COX7B2: variants seen among roughly 807,000 people sequenced by gnomAD.
The protein encoded by COX7B2 is cytochrome c oxidase subunit 7B2, also known as cytochrome c oxidase subunit 7B2, mitochondrial.
For synonymous variants in COX7B2, 37 were observed against 32.1 expected, an observed-to-expected ratio of 1.15 and a Z score of -0.51; for missense variants, 109 against 95.9, an observed-to-expected ratio of 1.14 and a Z score of -0.57.
intron 2 of COX7B2, among the ~76,000 whole-genome samples, chr4:46,797,059 A>T (rs1227896554): frequency 9.1e-6 from 1 of 109,900 alleles, no homozygotes; most frequent in Non-Finnish European, 1.8e-5. Flanking sequence ...AACCTGCACA[A>T]TGTGCACATG....
chr4:46,869,062 G>T (rs936983482), intron 1 of COX7B2, among the ~76,000 whole-genome samples: 1 of 152,018 alleles, frequency 6.6e-6, no homozygotes, highest in African/African-American at 2.4e-5. Flanking sequence ...TCCTGTGTTG[G>T]GTGCATACAT....
intron 1 of COX7B2, among the ~76,000 whole-genome samples, chr4:46,845,984 C>T (rs537702526): frequency 7.3e-4 from 111 of 151,996 alleles, no homozygotes; most frequent in African/African-American, 2.6e-3. Context: ...TAGACTTTAC[C>T]CCCATTAGGG....
At chr4:46,738,106 C>T (rs1199815880) in intron 2 of COX7B2, among the ~76,000 whole-genome samples, 2 of 152,098 alleles carry the variant, frequency 1.3e-5, no homozygotes, top group Non-Finnish European at 2.9e-5. Context: ...TAATCCAGTA[C>T]AAAAGGACCT....
intron 1 of COX7B2, among the ~76,000 whole-genome samples, chr4:46,882,341 A>G (rs1718801316): frequency 6.6e-6 from 1 of 152,154 alleles, no homozygotes; most frequent in Admixed American, 6.5e-5. Flanking sequence ...CAGGTCCTGA[A>G]TCTTTGTTAA....
At chr4:46,791,875 G>C (rs1224331390) in intron 2 of COX7B2, among the ~76,000 whole-genome samples, 1 of 148,272 alleles carries the variant, frequency 6.7e-6, no homozygotes, top group African/African-American at 2.6e-5. Context: ...GCTTACTGGT[G>C]TTCACCCAAG....
At chr4:46,908,905 G>A (rs1166748362) in intron 1 of COX7B2, among the ~76,000 whole-genome samples, 2 of 152,016 alleles carry the variant, frequency 1.3e-5, no homozygotes, top group South Asian at 2.1e-4. Flanking sequence ...TTAGCCAGGC[G>A]TGGTGGCGGG....
chr4:46,854,791 C>A (rs1364901373), intron 1 of COX7B2, among the ~76,000 whole-genome samples: 2 of 151,884 alleles, frequency 1.3e-5, no homozygotes, highest in African/African-American at 4.8e-5. Flanking sequence ...TATTATAAAA[C>A]CATTAAAAAG....
At chr4:46,874,521 T>C (rs1718199372) in intron 1 of COX7B2, among the ~76,000 whole-genome samples, 1 of 152,208 alleles carries the variant, frequency 6.6e-6, no homozygotes, top group South Asian at 2.1e-4. Context: ...TTTCTGTAAC[T>C]ACCAAAGAAC....
intron 1 of COX7B2, among the ~76,000 whole-genome samples, chr4:46,859,202 C>T (rs942736637): frequency 1.3e-5 from 2 of 152,130 alleles, no homozygotes; most frequent in Non-Finnish European, 2.9e-5. Context: ...GAAGTCATTT[C>T]CACCTTTCCA....
chr4:46,871,912 G>C (rs543750241), intron 1 of COX7B2, among the ~76,000 whole-genome samples: 3 of 152,258 alleles, frequency 2.0e-5, no homozygotes, highest in South Asian at 4.1e-4. Flanking sequence ...AAGCAGTATG[G>C]TGATTCCTCA....
At chr4:46,790,702 G>A (rs996089119) in intron 2 of COX7B2, among the ~76,000 whole-genome samples, 6 of 152,076 alleles carry the variant, frequency 3.9e-5, no homozygotes, top group Admixed American at 2.0e-4. Context: ...CGGCAAATCT[G>A]GTCAAAGAAG....
intron 1 of COX7B2, among the ~76,000 whole-genome samples, chr4:46,882,906 A>G (rs948493144): frequency 2.6e-5 from 4 of 152,192 alleles, no homozygotes; most frequent in Non-Finnish European, 4.4e-5. Context: ...ATATATCTAC[A>G]CTATTCCATA....
chr4:46,751,569 T>A (rs1007304834), intron 2 of COX7B2, among the ~76,000 whole-genome samples: 2 of 152,102 alleles, frequency 1.3e-5, no homozygotes, highest in African/African-American at 4.8e-5. Context: ...CTTGTGGAAA[T>A]CAGTTTAGTG....
intron 2 of COX7B2, among the ~76,000 whole-genome samples, chr4:46,835,484 CATG>C (rs1258602325): frequency 6.6e-6 from 1 of 151,896 alleles, no homozygotes; most frequent in Non-Finnish European, 1.5e-5. Flanking sequence ...GTTCGAGAAT[CATG>C]GTGGAAGAAG....
At chr4:46,794,353 A>G (rs562843754) in intron 2 of COX7B2, among the ~76,000 whole-genome samples, 1 of 152,352 alleles carries the variant, frequency 6.6e-6, no homozygotes, top group East Asian at 1.9e-4. Context: ...TGGCTAAAAC[A>G]CGGACCAAAA....
At chr4:46,763,802 T>C (rs1716364730) in intron 2 of COX7B2, among the ~76,000 whole-genome samples, 1 of 152,164 alleles carries the variant, frequency 6.6e-6, no homozygotes, top group Non-Finnish European at 1.5e-5. Flanking sequence ...TATATATAAA[T>C]ATACATGTGC....
chr4:46,880,327 T>C (rs1334025411), intron 1 of COX7B2, among the ~76,000 whole-genome samples: 1 of 151,960 alleles, frequency 6.6e-6, no homozygotes, highest in East Asian at 1.9e-4. Flanking sequence ...CTCAGTTTTT[T>C]GGAATAGTTT....
chr4:46,756,099 G>A (rs1715780168), intron 2 of COX7B2, among the ~76,000 whole-genome samples: 1 of 151,948 alleles, frequency 6.6e-6, no homozygotes, highest in Non-Finnish European at 1.5e-5. Flanking sequence ...CCATGGTACT[G>A]GTATAAAAAT....
At chr4:46,897,264 C>G (rs1012397683) in intron 1 of COX7B2, among the ~76,000 whole-genome samples, 2 of 152,260 alleles carry the variant, frequency 1.3e-5, no homozygotes, top group East Asian at 3.9e-4. Context: ...GTTCCAACTC[C>G]TTTCTCCCCA....
Sources: gnomAD v4.1 joint callset for allele counts (sites outside exome capture counted in the v4.1 genomes callset) on GRCh38, gnomAD v4.1.1 for gene constraint, MANE v1.5 for transcripts, NCBI Gene and HGNC (gene_info 2026-07-23, HGNC 2026-07-21) for gene names.